The following GLG1 variants were observed in gnomAD, a reference collection of about 807,000 sequenced individuals.
GLG1 encodes Golgi apparatus protein 1.
GLG1 carries 38 observed loss-of-function variants against 160.5 expected under a neutral mutation model. The observed-to-expected ratio is 0.24, with a 90% CI of 0.18 to 0.31. The LOEUF is 0.31. Among genes scored for constraint, GLG1 ranks in the 10% least tolerant of loss-of-function variants. The pLI is 1.00. For missense variants in GLG1, 1,373 were observed against 1,505.2 expected (o/e 0.91, Z 1.45); for synonymous variants, 644 against 543.4 (o/e 1.19, Z -2.57).
intron 1 of GLG1, among the ~76,000 whole-genome samples, chr16:74,569,935 C>T (rs902897138): frequency 8.1e-5 from 12 of 148,774 alleles, no homozygotes; most frequent in African/African-American, 3.0e-4. Context: ...GTAATTCCAG[C>T]ATTTTGGGAG....
chr16:74,487,689 G>A (rs1441397209), intron 8 of GLG1, among the ~76,000 whole-genome samples: 7 of 151,950 alleles, frequency 4.6e-5, no homozygotes, highest in Non-Finnish European at 1.5e-5. Context: ...AAGCAACATG[G>A]GAGTCTGCAA....
At chr16:74,456,293 G>A (rs938492393) in intron 25 of GLG1, among the ~76,000 whole-genome samples, 3 of 152,166 alleles carry the variant, frequency 2.0e-5, no homozygotes, top group Admixed American at 6.5e-5. Flanking sequence ...CCAGGCTCAC[G>A]GGCAGCCAAG....
intron 2 of GLG1, among the ~76,000 whole-genome samples, chr16:74,516,188 C>T (rs2016972921): frequency 6.6e-6 from 1 of 151,600 alleles, no homozygotes; most frequent in Non-Finnish European, 1.5e-5. Context: ...TTGAACTCAG[C>T]TCTGCACCAA....
chr16:74,574,171 T>C (rs1165809198), intron 1 of GLG1, among the ~76,000 whole-genome samples: 3 of 152,180 alleles, frequency 2.0e-5, no homozygotes, highest in Non-Finnish European at 4.4e-5. Flanking sequence ...TTGGTGAAGA[T>C]GAAGTGGAAA....
intron 1 of GLG1, among the ~76,000 whole-genome samples, chr16:74,539,042 T>C (rs1359100020): frequency 2.6e-5 from 4 of 151,456 alleles, no homozygotes; most frequent in Admixed American, 2.0e-4. Context: ...GTGGGTGGCA[T>C]TGAAAAGGCA....
At chr16:74,498,473 T>TATA (rs1394251726) in intron 4 of GLG1, among the ~76,000 whole-genome samples, 23 of 73,194 alleles carry the variant, frequency 3.1e-4, no homozygotes, top group Non-Finnish European at 5.8e-4. Context: ...TATATTATAT[T>TATA]TTATATATAT....
intron 1 of GLG1, among the ~76,000 whole-genome samples, chr16:74,566,964 A>G (rs1483082295): frequency 6.6e-6 from 1 of 152,220 alleles, no homozygotes; most frequent in Non-Finnish European, 1.5e-5. Flanking sequence ...TAGTCACGCA[A>G]AGAATATAGA....
chr16:74,453,869 T>C (rs1290896871), intron 25 of GLG1, among the ~76,000 whole-genome samples: 1 of 140,416 alleles, frequency 7.1e-6, no homozygotes, highest in Non-Finnish European at 1.5e-5. Flanking sequence ...CTATATTTTG[T>C]AAATTCTATT....
At chr16:74,457,328 C>T (rs1220303417) in intron 24 of GLG1, among the ~76,000 whole-genome samples, 1 of 152,092 alleles carries the variant, frequency 6.6e-6, no homozygotes, top group East Asian at 1.9e-4. Flanking sequence ...ACCCAGGAGG[C>T]GGAGGTTGCA....
At chr16:74,492,927 T>C in intron 7 of GLG1, 30 bp downstream of exon 7, 4 of 1,418,240 alleles carry the variant, frequency 2.8e-6, no homozygotes, top group Non-Finnish European at 3.8e-6. Flanking sequence ...GGAACAGAAA[T>C]GATAATTAAA....
chr16:74,527,532 G>A (rs1043532197), intron 2 of GLG1, among the ~76,000 whole-genome samples: 1 of 151,964 alleles, frequency 6.6e-6, no homozygotes, highest in East Asian at 1.9e-4. Context: ...TTACAGGCGT[G>A]AGCCACCACG....
chr16:74,556,632 T>C (rs1306636341), intron 1 of GLG1, among the ~76,000 whole-genome samples: 1 of 151,868 alleles, frequency 6.6e-6, no homozygotes, highest in Non-Finnish European at 1.5e-5. Context: ...TGCAGTGAGC[T>C]AGGATTATAC....
chr16:74,542,756 A>AGGAAGGAAGGAAGGAAGGAAGGAAGGAAG (rs2017926995), intron 1 of GLG1, among the ~76,000 whole-genome samples: 6 of 52,208 alleles, frequency 1.1e-4, no homozygotes, highest in East Asian at 4.8e-4. Context: ...GAAGGAAGGA[A>AGGAAGGAAGGAAGGAAGGAAGGAAGGAAG]GGAAGGAAGG....
intron 25 of GLG1, among the ~76,000 whole-genome samples, chr16:74,454,513 A>G (rs1225367053): frequency 2.0e-5 from 3 of 151,108 alleles, no homozygotes; most frequent in Non-Finnish European, 3.0e-5. Flanking sequence ...TAAAAATACA[A>G]AAGTTAGCTG....
chr16:74,473,976 C>A (rs79207487), intron 13 of GLG1, among the ~76,000 whole-genome samples: 1 of 151,494 alleles, frequency 6.6e-6, no homozygotes, highest in African/African-American at 2.4e-5. Context: ...TTTTGAAACA[C>A]AGTCTCCCAC....
chr16:74,587,959 T>A (rs989215202), intron 1 of GLG1, among the ~76,000 whole-genome samples: 1 of 152,192 alleles, frequency 6.6e-6, no homozygotes, highest in African/African-American at 2.4e-5. Context: ...ATCAAACGTC[T>A]ATAGGTGAAA....
At chr16:74,481,481 G>C (rs1268935056) in intron 10 of GLG1, among the ~76,000 whole-genome samples, 1 of 151,706 alleles carries the variant, frequency 6.6e-6, no homozygotes, top group Non-Finnish European at 1.5e-5. Context: ...TTTTTATTAT[G>C]GGGGAAGGAA....
chr16:74,451,800 A>G lies in GLG1; in HGVS notation c.*1367T>C. On this transcript the variant is annotated 3_prime_UTR_variant, in exon 26 of 26. Transcript: ENST00000422840. ...CCTCCCTCTCACACCCAGACTTGTC[A>G]TCTCCACACTGGAGGAATGAGGCGG... is the stretch of plus-strand genomic sequence containing the variant. 1 of 452,464 alleles carries G rather than the reference A, an allele frequency of 2.2e-6. No homozygotes were observed. Among genetic ancestry groups the G allele is most frequent in the Non-Finnish European group, 4.1e-6 (1 of 244,728 alleles). 28.0% of individuals were successfully genotyped at this position (452,464 alleles called of 1,614,324 possible).
chr16:74,573,370 T>C (rs75016155), intron 1 of GLG1, among the ~76,000 whole-genome samples: 2,933 of 152,182 alleles, frequency 0.019, 38 homozygotes, highest in Non-Finnish European at 0.028. Context: ...ACAATAATAA[T>C]CGTATCTTAA....
Sources: gnomAD v4.1 joint callset for allele counts (sites outside exome capture counted in the v4.1 genomes callset) on GRCh38, gnomAD v4.1.1 for gene constraint, MANE v1.5 for transcripts, NCBI Gene and HGNC (gene_info 2026-07-23, HGNC 2026-07-21) for gene names.